Variants in OTUD4 observed in about 807,000 individuals in gnomAD.
OTUD4 encodes the protein OTU deubiquitinase 4.
Under a neutral mutation model 130.4 loss-of-function variants are expected in OTUD4, and 24 were observed. That is an observed-to-expected ratio of 0.18 (90% CI 0.13 to 0.26). The LOEUF (loss-of-function observed/expected upper bound fraction) is 0.26, where lower values mean the gene tolerates loss of function less well. Ranked by LOEUF, OTUD4 falls within the 10% of genes least tolerant of loss-of-function variation. The pLI is 1.00. For synonymous variants in OTUD4, 420 were observed against 472.5 expected (o/e 0.89, Z 1.44); for missense variants, 1,031 against 1,329.4 (o/e 0.78, Z 3.49).
chr4:145,137,085 CAAACTTAT>C lies in OTUD4; in HGVS notation c.*337_*344del, dbSNP rs554589106. 29 of 185,906 alleles carry C rather than the reference CAAACTTAT, an allele frequency of 1.6e-4. No individual in the cohort carries two copies. Among genetic ancestry groups the C allele is most frequent in the African/African-American group, 4.0e-4 (17 of 42,502 alleles). 11.5% of individuals were successfully genotyped at this position (185,906 alleles called of 1,614,324 possible). On this transcript the variant is annotated 3_prime_UTR_variant, in exon 21 of 21. Transcript: ENST00000447906. ...AGCACACATTTCCAACATCTGAAAT[CAAACTTAT>C]AAACTTATAAGGAAAAAAGCCAAAC...
At chr4:145,159,374 T>G in intron 7 of OTUD4, 129 bp downstream of exon 7, 1 of 1,527,134 alleles carries the variant, frequency 6.5e-7, no homozygotes, top group Non-Finnish European at 8.7e-7. Context: ...TTCAGCAGAC[T>G]GCTGTATTTT....
chr4:145,146,359 G>C lies in OTUD4; in HGVS notation c.1330C>G (p.Pro444Ala). The C allele has an allele frequency of 6.3e-7, 1 of 1,594,670 alleles. No individual in the cohort carries two copies. Among genetic ancestry groups the C allele is most frequent in the Admixed American group, 1.8e-5 (1 of 56,084 alleles). The change falls in exon 14 of 21, where the codon CCA becomes GCA. Residue 444 changes from proline (P) to alanine (A), a missense_variant. Coordinates refer to ENST00000447906, the MANE Select transcript of OTUD4 (RefSeq NM_001366057.1). Reference protein sequence around the residue: ...SRESNYFGLSPEERREKQAIE... With the variant: ...SRESNYFGLSAEERREKQAIE... ...GCTTGCTTCTCTCTGCGCTCTTCTG[G>C]GGAAAGGCCGAAATAGTTAGATTCT... is the stretch of plus-strand genomic sequence containing the variant.
chr4:145,166,623 C>G (rs1180180093), intron 3 of OTUD4, among the ~76,000 whole-genome samples: 1 of 152,122 alleles, frequency 6.6e-6, no homozygotes, highest in Non-Finnish European at 1.5e-5. Context: ...AGGCAGATCA[C>G]GAGGTTGGGA....
At position 145,137,057 on chromosome 4, in the gene OTUD4, T is replaced by C. The variant is rs1405340467; in HGVS notation, c.*373A>G. On this transcript the variant is annotated 3_prime_UTR_variant, in exon 21 of 21. Coordinates refer to ENST00000447906, the MANE Select transcript of OTUD4 (RefSeq NM_001366057.1). ...TTTCTTGTCACTTTAGTAAACACTA[T>C]AAAGCACACATTTCCAACATCTGAA... 5.7e-6 allele frequency: 1 copy of C among 176,618 alleles called. No homozygotes were observed. Among genetic ancestry groups the C allele is most frequent in the African/African-American group, 2.4e-5 (1 of 41,944 alleles). 10.9% of individuals were successfully genotyped at this position (176,618 alleles called of 1,614,324 possible).
Position 145,144,392 on chromosome 4 carries a change from A to G in OTUD4, c.1465T>C (p.Cys489Arg), listed in dbSNP as rs1750724854. The part of the protein sequence containing the change: ...NQSASQSSNP[C>R]VQRKSSHVGD... ...ACATGTGATGATTTTCTCTGGACAC[A>G]TGGATTGCTACTCTGAGAAGCTGAC... The change falls in exon 15 of 21, where the codon TGT becomes CGT. Residue 489 changes from cysteine (C) to arginine (R), a missense_variant. Cys to Arg is a radical substitution (Grantham distance 180). Around this residue, in one of 3 missense-constraint regions of OTUD4, gnomAD observed 900 missense variants for 1,095.9 expected, o/e 0.82. Transcript: ENST00000447906. 1 of 1,612,422 alleles carries G rather than the reference A, an allele frequency of 6.2e-7. No individual in the cohort carries two copies. The highest frequency in any genetic ancestry group is 8.5e-7 in the Non-Finnish European group (1 of 1,178,998).
chr4:145,150,859 T>C lies in OTUD4; in HGVS notation c.1015A>G (p.Thr339Ala), dbSNP rs1306895109. Residue 339 changes from threonine to alanine, a missense_variant, in exon 12 of 21, where the codon ACA becomes GCA. Around this residue, in one of 3 missense-constraint regions of OTUD4, gnomAD observed 900 missense variants for 1,095.9 expected, o/e 0.82. Coordinates refer to ENST00000447906, the MANE Select transcript of OTUD4 (RefSeq NM_001366057.1). ...LKAPPPESWN[T>A]VSGKKMKKPS... ...TTTTTCATCTTCTTCCCTGACACTG[T>C]GTTCCAGCTTTCTGGGGGAGGTGCC... is the stretch of plus-strand genomic sequence containing the variant. The C allele has an allele frequency of 3.7e-6, 6 of 1,613,876 alleles. No individual in the cohort carries two copies. Among genetic ancestry groups the C allele is most frequent in the East Asian group, 4.5e-5 (2 of 44,886 alleles).
At chr4:145,147,682 T>G (rs1029691274) in intron 13 of OTUD4, among the ~76,000 whole-genome samples, 11 of 152,206 alleles carry the variant, frequency 7.2e-5, no homozygotes, top group African/African-American at 2.7e-4. Flanking sequence ...TTTGGTTATA[T>G]TCTGTGTTTT....
At chr4:145,158,205 G>C (rs1208724420) in intron 7 of OTUD4, among the ~76,000 whole-genome samples, 1 of 151,882 alleles carries the variant, frequency 6.6e-6, no homozygotes, top group Non-Finnish European at 1.5e-5. Flanking sequence ...AGATATACAG[G>C]CTGGGCAGTG....
intron 14 of OTUD4, among the ~76,000 whole-genome samples, chr4:145,145,779 C>A (rs942495372): frequency 1.3e-5 from 2 of 152,138 alleles, no homozygotes; most frequent in African/African-American, 4.8e-5. Context: ...AGATAGAGAA[C>A]ACTTCTTTTA....
intron 1 of OTUD4, chr4:145,179,561 T>C: frequency 7.8e-7 from 1 of 1,283,360 alleles, no homozygotes. Context: ...GCCTCACAAG[T>C]TGTCCTCAAC....
intron 3 of OTUD4, chr4:145,170,772 G>A (rs933572166): frequency 6.6e-6 from 1 of 152,116 alleles, no homozygotes; most frequent in African/African-American, 2.4e-5. Flanking sequence ...ACTCTTCTTA[G>A]CTTTTTTCTT....
At chr4:145,156,037 T>C (rs759687322) in intron 7 of OTUD4, 41 bp from the exon 8 acceptor site, 2 of 1,503,666 alleles carry the variant, frequency 1.3e-6, no homozygotes, top group South Asian at 1.2e-5. Context: ...GAAAAAGGTA[T>C]TTGCACGTAA....
rs887831085 is a variant in OTUD4, at chr4:145,162,499, C to T, written c.496+141G>A. Reference sequence around the variant, plus strand: ...CCCCGGAGGCAGAGCTTGCAGTGAGCGGAGATCACGCCACTGCACTCCAGC... The same window carrying T: ...CCCCGGAGGCAGAGCTTGCAGTGAGTGGAGATCACGCCACTGCACTCCAGC... On this transcript the variant is annotated intron_variant, in intron 6 of 20. Transcript: ENST00000447906. 56 of 453,822 alleles carry T rather than the reference C, an allele frequency of 1.2e-4. No individual in the cohort carries two copies. The Admixed American group carries it at 1.8e-3, about 14-fold the overall frequency. The allele number at this position is 453,822 out of a possible 1,614,324, so 28.1% of individuals were successfully genotyped here.
chr4:145,170,023 A>T (rs116583774), intron 3 of OTUD4, among the ~76,000 whole-genome samples: 3 of 152,222 alleles, frequency 2.0e-5, no homozygotes, highest in East Asian at 3.8e-4. Flanking sequence ...GGGTACAGGG[A>T]AAGTGATGGA....
rs1166688505 is a variant in OTUD4 at position 145,133,818 on chromosome 4, AGTGAT to A, written c.*3607_*3611del. The stretch of plus-strand genomic sequence containing the variant: ...AGGAATATATTCAACACTTACAAAA[AGTGAT>A]ATGATAAAGAATATAAAGTACTAGT... On this transcript the variant is annotated 3_prime_UTR_variant, in exon 21 of 21. Transcript: ENST00000447906. The A allele has an allele frequency of 6.6e-6, 1 of 152,654 alleles. No individual in the cohort carries two copies. The highest frequency in any genetic ancestry group is 2.4e-5 in the African/African-American group (1 of 41,462). The allele number at this position is 152,654 out of a possible 1,614,324, so 9.5% of individuals were successfully genotyped here. A position where few individuals can be genotyped will look rare whatever the true frequency, so the allele number is the denominator to read the frequency against.
Position 145,162,764 on chromosome 4 carries a change from T to C in OTUD4, c.415-43A>G, listed in dbSNP as rs774071543. 3.6e-5 allele frequency: 36 copies of C among 987,570 alleles called. 1 individual carries two copies. In the South Asian group the frequency reaches 4.9e-4, roughly 13 times the overall value. The allele number at this position is 987,570 out of a possible 1,614,324, so 61.2% of individuals were successfully genotyped here. On this transcript the variant is annotated intron_variant, in intron 5 of 20. Coordinates refer to ENST00000447906, the MANE Select transcript of OTUD4 (RefSeq NM_001366057.1). ...AAGAAACATTTCAGCCCCTCATACA[T>C]ATAACATTTACATAGCAATGTATGT...
At chr4:145,138,878 G>A (rs1429206753) in intron 20 of OTUD4, among the ~76,000 whole-genome samples, 2 of 152,144 alleles carry the variant, frequency 1.3e-5, no homozygotes, top group African/African-American at 4.8e-5. Context: ...CCAATCTGAA[G>A]TCCTCATAGG....
At chr4:145,173,282 T>A (rs1435998435) in intron 2 of OTUD4, among the ~76,000 whole-genome samples, 1 of 151,986 alleles carries the variant, frequency 6.6e-6, no homozygotes, top group African/African-American at 2.4e-5. Flanking sequence ...TAGACCCAGC[T>A]ACACTGGAGG....
intron 3 of OTUD4, among the ~76,000 whole-genome samples, chr4:145,170,128 C>G (rs1752083614): frequency 6.6e-6 from 1 of 152,240 alleles, no homozygotes; most frequent in South Asian, 2.1e-4. Flanking sequence ...GCCTAGGCCC[C>G]AGGCCCAGAG....
Sources: gnomAD v4.1 joint callset for allele counts (sites outside exome capture counted in the v4.1 genomes callset) on GRCh38, gnomAD v4.1.1 for gene constraint, gnomAD v4.1.1 regional missense constraint, MANE v1.5 for transcripts, NCBI Gene and HGNC (gene_info 2026-07-23, HGNC 2026-07-21) for gene names.